AXDND1: variants seen among roughly 807,000 people sequenced by gnomAD.
AXDND1 encodes the protein axonemal dynein light chain domain containing 1.
AXDND1 carries 110 observed loss-of-function variants against 137.5 expected under a neutral mutation model. The observed-to-expected ratio is 0.80, with a 90% CI of 0.69 to 0.94. The LOEUF is 0.94. Among genes scored for constraint, AXDND1 ranks in the 40% least tolerant of loss-of-function variants. The probability of loss-of-function intolerance (pLI) is 0.00; values close to 1 mark genes in which losing one functional copy is unlikely to be tolerated. For synonymous variants in AXDND1, 414 were observed against 399.7 expected (o/e 1.04, Z -0.43); for missense variants, 1,191 against 1,169.8 (o/e 1.02, Z -0.26).
At position 179,367,340 on chromosome 1, in the gene AXDND1, ACT is replaced by A. The variant is rs1239223863; in HGVS notation, c.97+737_97+738del. ...AGACCATTCTGGCCAACATGGAGAA[ACT>A]CTGTCTACTAAAAATACAAAAATTA... On this transcript the variant is annotated intron_variant, in intron 2 of 25. Transcript: ENST00000367618. Among the ~76,000 whole-genome samples the A allele has an allele frequency of 3.4e-5, 5 of 149,096 alleles. No individual in the cohort carries two copies. The East Asian group carries it at 8.0e-4, about 24-fold the overall frequency.
intron 18 of AXDND1, among the ~76,000 whole-genome samples, chr1:179,490,429 G>C (rs1203436037): frequency 6.6e-6 from 1 of 152,176 alleles, no homozygotes; most frequent in African/African-American, 2.4e-5. Flanking sequence ...CTGTCATGCA[G>C]AGGTTCTCAA....
At chr1:179,498,148 G>GA (rs1048576143) in intron 20 of AXDND1, among the ~76,000 whole-genome samples, 1 of 152,002 alleles carries the variant, frequency 6.6e-6, no homozygotes, top group East Asian at 1.9e-4. Flanking sequence ...CACAGAATTT[G>GA]AAAAAAATAT....
intron 20 of AXDND1, among the ~76,000 whole-genome samples, chr1:179,494,014 T>C (rs978385005): frequency 2.6e-5 from 4 of 152,104 alleles, no homozygotes; most frequent in Admixed American, 6.6e-5. Flanking sequence ...TGCAGTGGCA[T>C]GATCTTGGCT....
intron 18 of AXDND1, among the ~76,000 whole-genome samples, chr1:179,485,110 C>G (rs538527832): frequency 2.6e-5 from 4 of 152,340 alleles, no homozygotes; most frequent in Non-Finnish European, 5.9e-5. Flanking sequence ...GTGGGCTACC[C>G]CCTGCAACAT....
intron 20 of AXDND1, among the ~76,000 whole-genome samples, chr1:179,503,407 G>C (rs1296140384): frequency 6.6e-6 from 1 of 151,798 alleles, no homozygotes; most frequent in Non-Finnish European, 1.5e-5. Context: ...ACTTTTCTAG[G>C]AAAATAGTAT....
At chr1:179,435,495 A>G (rs1025806193) in intron 15 of AXDND1, among the ~76,000 whole-genome samples, 1 of 152,218 alleles carries the variant, frequency 6.6e-6, no homozygotes, top group South Asian at 2.1e-4. Context: ...AAACAGACAT[A>G]TAGACCAATG....
At chr1:179,491,769 A>C in intron 19 of AXDND1, 32 bp downstream of exon 19, 1 of 1,493,480 alleles carries the variant, frequency 6.7e-7, no homozygotes, top group Non-Finnish European at 9.0e-7. Context: ...TGCCCTTTTG[A>C]AGAATTGAAT....
chr1:179,548,129 A>G (rs1672815318), intron 25 of AXDND1, among the ~76,000 whole-genome samples: 1 of 152,188 alleles, frequency 6.6e-6, no homozygotes, highest in South Asian at 2.1e-4. Flanking sequence ...AGCAGGCACT[A>G]CTGGCCATCG....
chr1:179,552,561 C>T (rs1296842329), intron 25 of AXDND1: 3 of 1,507,484 alleles, frequency 2.0e-6, no homozygotes, highest in Admixed American at 1.7e-5. Context: ...CACGAGCAGG[C>T]CTTCCTAAAG....
intron 12 of AXDND1, among the ~76,000 whole-genome samples, chr1:179,419,348 C>T (rs1051195718): frequency 2.0e-5 from 3 of 151,944 alleles, no homozygotes; most frequent in Non-Finnish European, 4.4e-5. Context: ...GAACGAGACT[C>T]TGTCTGCAAT....
rs542410711 is a variant in AXDND1 at position 179,542,929 on chromosome 1, C to T, written c.3031+7967C>T. 3.3e-5 allele frequency among the ~76,000 whole-genome samples: 5 copies of T among 152,290 alleles called. No individual in the cohort carries two copies. In the South Asian group the frequency reaches 6.2e-4, roughly 19 times the overall value. Reference sequence around the variant, plus strand: ...CGCCTTGCAAAGCTCAGGAGAGCTGCCTCCTACTCACGGCAGTCCCTGTGC... The same window carrying T: ...CGCCTTGCAAAGCTCAGGAGAGCTGTCTCCTACTCACGGCAGTCCCTGTGC... On this transcript the variant is annotated intron_variant, in intron 25 of 25. Transcript: ENST00000367618.
rs1320664126 is a variant in AXDND1 at position 179,405,203 on chromosome 1, G to C, written c.1110-5943G>C. ...TTTTCTGTTCTTGTGTTAGTTTGCT[G>C]AGAATGATGGTTTCCAGCTTCATCC... is the stretch of plus-strand genomic sequence containing the variant. On this transcript the variant is annotated intron_variant, in intron 11 of 25. Coordinates refer to ENST00000367618, the MANE Select transcript of AXDND1 (RefSeq NM_144696.6). Among the ~76,000 whole-genome samples, 5 of 152,198 alleles carry C rather than the reference G, an allele frequency of 3.3e-5. No individual in the cohort carries two copies. In the East Asian group the frequency reaches 9.7e-4, roughly 29 times the overall value.
At chr1:179,524,739 C>T (rs759117437) in intron 21 of AXDND1, among the ~76,000 whole-genome samples, 10 of 152,282 alleles carry the variant, frequency 6.6e-5, no homozygotes, top group African/African-American at 1.2e-4. Flanking sequence ...GTTTTGTTCA[C>T]GCTCCTTTTC....
At chr1:179,407,558 T>G (rs936155677) in intron 11 of AXDND1, among the ~76,000 whole-genome samples, 2 of 152,182 alleles carry the variant, frequency 1.3e-5, no homozygotes, top group Non-Finnish European at 2.9e-5. Context: ...GAATATATCA[T>G]TCAATTCTTT....
chr1:179,411,771 A>G (rs1430608378), intron 12 of AXDND1, among the ~76,000 whole-genome samples: 3 of 152,100 alleles, frequency 2.0e-5, no homozygotes, highest in Non-Finnish European at 4.4e-5. Context: ...TATACTAATA[A>G]TAAAGTAGGA....
Position 179,534,837 on chromosome 1 carries a change from C to T in AXDND1, c.2906C>T (p.Thr969Ile), listed in dbSNP as rs755161324. ...KNKDLEELVM[T>I]SRKESKEEKE... Reference sequence around the variant, plus strand: ...AAAGATCTAGAGGAATTAGTCATGACATCAAGAAAGGAGTCTAAAGAAGAG... The same window carrying T: ...AAAGATCTAGAGGAATTAGTCATGATATCAAGAAAGGAGTCTAAAGAAGAG... Residue 969 changes from threonine (T) to isoleucine (I), a missense_variant, in exon 25 of 26, where the codon ACA (threonine) becomes ATA (isoleucine). Physicochemically the swap from Thr to Ile is moderately conservative, Grantham distance 89. Coordinates refer to ENST00000367618, the MANE Select transcript of AXDND1 (RefSeq NM_144696.6). The T allele has an allele frequency of 1.3e-5, 21 of 1,610,502 alleles. No homozygotes were observed. In the South Asian group the frequency reaches 2.3e-4, roughly 18 times the overall value.
chr1:179,369,195 A>G (rs1224442381), intron 3 of AXDND1, among the ~76,000 whole-genome samples: 1 of 152,104 alleles, frequency 6.6e-6, no homozygotes, highest in Non-Finnish European at 1.5e-5. Context: ...CTCCCACCTC[A>G]GCTTCCTGAG....
At chr1:179,527,395 T>A (rs1237358566) in intron 22 of AXDND1, among the ~76,000 whole-genome samples, 1 of 152,252 alleles carries the variant, frequency 6.6e-6, no homozygotes, top group Non-Finnish European at 1.5e-5. Flanking sequence ...TGTCTCATCC[T>A]ATGACTTAGA....
chr1:179,368,003 C>G (rs1051146393), intron 2 of AXDND1, among the ~76,000 whole-genome samples: 1 of 151,376 alleles, frequency 6.6e-6, no homozygotes, highest in African/African-American at 2.4e-5. Flanking sequence ...CTTTTGATCT[C>G]AAGCTCTCAG....
Sources: gnomAD v4.1 joint callset for allele counts (sites outside exome capture counted in the v4.1 genomes callset) on GRCh38, gnomAD v4.1.1 for gene constraint, MANE v1.5 for transcripts, NCBI Gene and HGNC (gene_info 2026-07-23, HGNC 2026-07-21) for gene names.